RPS28: variants seen among roughly 807,000 people sequenced by gnomAD.
RPS28 encodes the protein ribosomal protein S28, also known as small ribosomal subunit protein eS28.
RPS28 carries 2 observed loss-of-function variants against 9.4 expected under a neutral mutation model. The ratio of observed to expected loss-of-function variants is 0.21; its 90% CI spans 0.09 to 0.67. The LOEUF is 0.67. RPS28 is among the 30% of genes least tolerant of loss of function. The probability of loss-of-function intolerance (pLI) is 0.82; values close to 1 mark genes in which losing one functional copy is unlikely to be tolerated. For missense variants in RPS28, 35 were observed against 95.3 expected, an observed-to-expected ratio of 0.37 and a Z score of 2.63; for synonymous variants, 41 against 37.8, an observed-to-expected ratio of 1.08 and a Z score of -0.31.
chr19:8,321,497 C>T lies in RPS28; in HGVS notation c.-34C>T, dbSNP rs549727973. 1.6e-5 allele frequency: 25 copies of T among 1,566,122 alleles called. No individual in the cohort carries two copies. Among genetic ancestry groups the T allele is most frequent in the East Asian group, 9.4e-5 (4 of 42,606 alleles). ...TAAAGGCTCTCCCCGAAGCACGTGACTCCTCTCCGCCAGACCGCCGCCGCG... is the reference window on the plus strand; with the variant it reads ...TAAAGGCTCTCCCCGAAGCACGTGATTCCTCTCCGCCAGACCGCCGCCGCG... On this transcript the variant is annotated 5_prime_UTR_variant, in exon 1 of 4. Coordinates refer to ENST00000600659, the MANE Select transcript of RPS28 (RefSeq NM_001031.5).
chr19:8,322,498 C>G lies in RPS28; in HGVS notation c.*243C>G, dbSNP rs552526935. 28 of 494,594 alleles carry G rather than the reference C, an allele frequency of 5.7e-5. No individual in the cohort carries two copies. Among genetic ancestry groups the G allele is most frequent in the Non-Finnish European group, 1.1e-4 (28 of 265,754 alleles). The allele number at this position is 494,594 out of a possible 1,614,324, so 30.6% of individuals were successfully genotyped here. On this transcript the variant is annotated 3_prime_UTR_variant, in exon 4 of 4. Coordinates refer to ENST00000600659, the MANE Select transcript of RPS28 (RefSeq NM_001031.5). The stretch of plus-strand genomic sequence containing the variant: ...CCGCACTCTGGAAATCCTGGCCGTG[C>G]GGTCTTGCCAAACGAAGCTTTTCCT...
Position 8,322,110 on chromosome 19 carries a change from CCCCT to C in RPS28, c.*16+20_*16+23del. 6.2e-7 allele frequency: 1 copy of C among 1,606,666 alleles called. No individual in the cohort carries two copies. The highest frequency in any genetic ancestry group is 1.7e-5 in the Admixed American group (1 of 59,466). ...CTCGCTGGTGGGTGCAAAGAGGACA[CCCCT>C]TTGATAGACCTTTGGTTGGTGGTAG... is the stretch of plus-strand genomic sequence containing the variant. On this transcript the variant is annotated intron_variant, in intron 3 of 3. Transcript: ENST00000600659.
intron 2 of RPS28, 29 bp from the exon 3 acceptor site, chr19:8,321,924 T>C (rs568428239): frequency 5.6e-6 from 9 of 1,610,582 alleles, no homozygotes; most frequent in Non-Finnish European, 6.8e-6. Flanking sequence ...CGCCCTTACT[T>C]CTTCCTCCAC....
intron 1 of RPS28, 30 bp downstream of exon 1, chr19:8,321,599 G>A (rs765620894): frequency 1.7e-5 from 27 of 1,570,728 alleles, no homozygotes; most frequent in Non-Finnish European, 2.3e-5. Flanking sequence ...TTGGGGGCAG[G>A]GGGAGGGATT....
chr19:8,322,881 T>C lies in RPS28; in HGVS notation c.*626T>C. The C allele has an allele frequency of 6.3e-7, 1 of 1,580,618 alleles. No individual in the cohort carries two copies. The highest frequency in any genetic ancestry group is 8.6e-7 in the Non-Finnish European group (1 of 1,163,226). On this transcript the variant is annotated 3_prime_UTR_variant, in exon 4 of 4. Transcript: ENST00000600659. The stretch of plus-strand genomic sequence containing the variant: ...TCTCTCCATTGTCACCGCATTCTCC[T>C]TCACCAGGTGTGGCTGTCTGGGAGC...
chr19:8,322,111 C>T lies in RPS28; in HGVS notation c.*16+20C>T, dbSNP rs1568567053. 6.2e-7 allele frequency: 1 copy of T among 1,606,366 alleles called. No homozygotes were observed. The highest frequency in any genetic ancestry group is 1.7e-5 in the Admixed American group (1 of 59,416). Reference sequence around the variant, plus strand: ...TCGCTGGTGGGTGCAAAGAGGACACCCCTTTGATAGACCTTTGGTTGGTGG... The same window carrying T: ...TCGCTGGTGGGTGCAAAGAGGACACTCCTTTGATAGACCTTTGGTTGGTGG... On this transcript the variant is annotated intron_variant, in intron 3 of 3. Coordinates refer to ENST00000600659, the MANE Select transcript of RPS28 (RefSeq NM_001031.5).
Position 8,322,732 on chromosome 19 carries a change from T to G in RPS28, c.*477T>G. On this transcript the variant is annotated 3_prime_UTR_variant, in exon 4 of 4. Coordinates refer to ENST00000600659, the MANE Select transcript of RPS28 (RefSeq NM_001031.5). ...TGAAATTGCCTTTCTCTTCGGCCAG[T>G]GTTAGCCTCTGAGCAGGGGACCCTG... The G allele has an allele frequency of 1.3e-6, 1 of 789,830 alleles. No homozygotes were observed. The highest frequency in any genetic ancestry group is 2.1e-6 in the Non-Finnish European group (1 of 486,700). The allele number at this position is 789,830 out of a possible 1,614,324, so 48.9% of individuals were successfully genotyped here. A position where few individuals can be genotyped will look rare whatever the true frequency, so the allele number is the denominator to read the frequency against.
rs1330941630 is a variant in RPS28, at chr19:8,321,944, G to A, written c.88-9G>A. On this transcript the variant is annotated splice_polypyrimidine_tract_variant and intron_variant, in intron 2 of 3. Coordinates refer to ENST00000600659, the MANE Select transcript of RPS28 (RefSeq NM_001031.5). ...TTACTTCTTCCTCCACTCCGGTGGG[G>A]ACCCGTAGGTGCGCGTGGAATTCAT... 11 of 1,611,558 alleles carry A rather than the reference G, an allele frequency of 6.8e-6. No individual in the cohort carries two copies. The highest frequency in any genetic ancestry group is 9.3e-6 in the Non-Finnish European group (11 of 1,179,228).
Position 8,323,297 on chromosome 19 carries a change from G to A in RPS28, c.*1042G>A, listed in dbSNP as rs189463406. On this transcript the variant is annotated 3_prime_UTR_variant, in exon 4 of 4. Transcript: ENST00000600659. ...GTTGGGGAAACTCGTCTAACACGAAGCCTGTTTTAATAAAGTATTGAATGT... is the reference window on the plus strand; with the variant it reads ...GTTGGGGAAACTCGTCTAACACGAAACCTGTTTTAATAAAGTATTGAATGT... The A allele has an allele frequency of 5.0e-4, 83 of 167,346 alleles. No individual in the cohort carries two copies. The highest frequency in any genetic ancestry group is 1.8e-3 in the African/African-American group (75 of 42,152). 10.4% of individuals were successfully genotyped at this position (167,346 alleles called of 1,614,324 possible).
chr19:8,323,151 C>T lies in RPS28; in HGVS notation c.*896C>T, dbSNP rs1454541226. The T allele has an allele frequency of 1.0e-5, 4 of 383,466 alleles. No homozygotes were observed. The highest frequency in any genetic ancestry group is 8.2e-5 in the East Asian group (2 of 24,278). The allele number at this position is 383,466 out of a possible 1,614,324, so 23.8% of individuals were successfully genotyped here. On this transcript the variant is annotated 3_prime_UTR_variant, in exon 4 of 4. Transcript: ENST00000600659. ...CCTCAGTTTACAATGGGTTACATTC[C>T]GGTGAGTACATCATAGGTTGAAAGT... is the stretch of plus-strand genomic sequence containing the variant.
chr19:8,323,012 C>A lies in RPS28; in HGVS notation c.*757C>A. 2.7e-6 allele frequency: 2 copies of A among 729,730 alleles called. No individual in the cohort carries two copies. Among genetic ancestry groups the A allele is most frequent in the Non-Finnish European group, 4.3e-6 (2 of 467,144 alleles). 45.2% of individuals were successfully genotyped at this position (729,730 alleles called of 1,614,324 possible). A position where few individuals can be genotyped will look rare whatever the true frequency, so the allele number is the denominator to read the frequency against. The stretch of plus-strand genomic sequence containing the variant: ...GCCCCAGCCTCACTTAGTGGAGGTT[C>A]TTTTACCATGGACCCAGGCTGCCTG... On this transcript the variant is annotated 3_prime_UTR_variant, in exon 4 of 4. Coordinates refer to ENST00000600659, the MANE Select transcript of RPS28 (RefSeq NM_001031.5).
rs1435127404 is a variant in RPS28, at chr19:8,322,312, G to C, written c.*57G>C. On this transcript the variant is annotated 3_prime_UTR_variant, in exon 4 of 4. Transcript: ENST00000600659. Reference sequence around the variant, plus strand: ...GTTCGACCACTTGGCCGATGGGAATGGTCTGTCACAGTCTGCTCCTTTTTT... The same window carrying C: ...GTTCGACCACTTGGCCGATGGGAATCGTCTGTCACAGTCTGCTCCTTTTTT... 5.9e-6 allele frequency: 4 copies of C among 680,728 alleles called. No homozygotes were observed. Among genetic ancestry groups the C allele is most frequent in the East Asian group, 5.7e-5 (2 of 35,096 alleles). 42.2% of individuals were successfully genotyped at this position (680,728 alleles called of 1,614,324 possible).
Position 8,323,276 on chromosome 19 carries a change from G to A in RPS28, c.*1021G>A, listed in dbSNP as rs1278567366. 5.6e-6 allele frequency: 1 copy of A among 179,954 alleles called. No individual in the cohort carries two copies. Among genetic ancestry groups the A allele is most frequent in the Non-Finnish European group, 1.2e-5 (1 of 86,360 alleles). The allele number at this position is 179,954 out of a possible 1,614,324, so 11.1% of individuals were successfully genotyped here. ...TTCAGAACGCCTTAGCCTGTAGTTG[G>A]GGAAACTCGTCTAACACGAAGCCTG... On this transcript the variant is annotated 3_prime_UTR_variant, in exon 4 of 4. Coordinates refer to ENST00000600659, the MANE Select transcript of RPS28 (RefSeq NM_001031.5).
rs990585566 is a variant in RPS28, at chr19:8,322,325, C to T, written c.*70C>T. 3.5e-5 allele frequency: 23 copies of T among 662,042 alleles called. 1 individual carries two copies. Among genetic ancestry groups the T allele is most frequent in the Admixed American group, 6.2e-5 (3 of 48,592 alleles). The allele number at this position is 662,042 out of a possible 1,614,324, so 41.0% of individuals were successfully genotyped here. A position where few individuals can be genotyped will look rare whatever the true frequency, so the allele number is the denominator to read the frequency against. On this transcript the variant is annotated 3_prime_UTR_variant, in exon 4 of 4. Transcript: ENST00000600659. The stretch of plus-strand genomic sequence containing the variant: ...GCCGATGGGAATGGTCTGTCACAGT[C>T]TGCTCCTTTTTTTTGTCCGCCACAC...
rs768143730 is a variant in RPS28, at chr19:8,321,506, G to A, written c.-25G>A. The A allele has an allele frequency of 3.2e-6, 5 of 1,572,336 alleles. No homozygotes were observed. Among genetic ancestry groups the A allele is most frequent in the Admixed American group, 1.8e-5 (1 of 54,180 alleles). On this transcript the variant is annotated 5_prime_UTR_variant, in exon 1 of 4. Transcript: ENST00000600659. ...TCCCCGAAGCACGTGACTCCTCTCC[G>A]CCAGACCGCCGCCGCGCCGCCATCA...
chr19:8,322,165 G>T (rs1223542027), intron 3 of RPS28, 74 bp downstream of exon 3: 2 of 1,496,920 alleles, frequency 1.3e-6, no homozygotes, highest in Non-Finnish European at 1.8e-6. Flanking sequence ...CCCAGGGTGA[G>T]AGGGTTTGGG....
rs763841046 is a variant in RPS28 at position 8,321,590 on chromosome 19, TG to T, written c.39+26del. ...CCAGGGTGAGGTGGGGGCCCGAATTTGGGGGCAGGGGGAGGGATTAGAGGAG... is the reference window on the plus strand; with the variant it reads ...CCAGGGTGAGGTGGGGGCCCGAATTTGGGGCAGGGGGAGGGATTAGAGGAG... On this transcript the variant is annotated intron_variant, in intron 1 of 3. Transcript: ENST00000600659. The T allele has an allele frequency of 8.3e-6, 13 of 1,570,340 alleles. No individual in the cohort carries two copies. In the East Asian group the frequency reaches 2.7e-4, roughly 33 times the overall value.
chr19:8,322,159 G>C, intron 3 of RPS28, 68 bp downstream of exon 3: 3 of 1,546,036 alleles, frequency 1.9e-6, no homozygotes, highest in Non-Finnish European at 2.7e-6. Flanking sequence ...GTTAAGCCCA[G>C]GGTGAGAGGG....
At position 8,322,891 on chromosome 19, in the gene RPS28, G is replaced by A; in HGVS notation, c.*636G>A. ...GTCACCGCATTCTCCTTCACCAGGT[G>A]TGGCTGTCTGGGAGCCAGGGGGTGA... On this transcript the variant is annotated 3_prime_UTR_variant, in exon 4 of 4. Coordinates refer to ENST00000600659, the MANE Select transcript of RPS28 (RefSeq NM_001031.5). 6.4e-7 allele frequency: 1 copy of A among 1,566,604 alleles called. No homozygotes were observed. The highest frequency in any genetic ancestry group is 8.6e-7 in the Non-Finnish European group (1 of 1,156,804).
Sources: gnomAD v4.1 joint callset for allele counts on GRCh38, gnomAD v4.1.1 for gene constraint, MANE v1.5 for transcripts, NCBI Gene and HGNC (gene_info 2026-07-23, HGNC 2026-07-21) for gene names.